The following CXCL12 variants were observed in gnomAD, a reference collection of about 807,000 sequenced individuals.
CXCL12 encodes C-X-C motif chemokine ligand 12, also known as stromal cell-derived factor 1.
In CXCL12, 4 loss-of-function variants were observed where a neutral mutation model predicts 10.7. The ratio of observed to expected loss-of-function variants is 0.37; its 90% CI spans 0.18 to 0.86. The LOEUF (loss-of-function observed/expected upper bound fraction) is 0.86, where lower values mean the gene tolerates loss of function less well. Ranked by LOEUF, CXCL12 falls within the 40% of genes least tolerant of loss-of-function variation. The pLI is 0.43. For synonymous variants in CXCL12, 54 were observed against 45.4 expected (o/e 1.19, Z -0.77); for missense variants, 122 against 110.4 (o/e 1.10, Z -0.47).
chr10:44,371,315 C>T, downstream of CXCL12: 1 of 457,806 alleles, frequency 2.2e-6, no homozygotes, highest in Non-Finnish European at 4.3e-6. Context: ...GTTTCCTCAA[C>T]CAAGAATTCA....
chr10:44,384,110 C>A (rs1839721815), intron 1 of CXCL12, among the ~76,000 whole-genome samples: 1 of 152,236 alleles, frequency 6.6e-6, no homozygotes, highest in Non-Finnish European at 1.5e-5. Context: ...GGAGATTGAA[C>A]TTTGCTGCAG....
exon 4 of CXCL12, chr10:44,370,798 G>A (rs577838323): frequency 6.6e-6 from 1 of 152,434 alleles, no homozygotes; most frequent in African/African-American, 2.4e-5. Flanking sequence ...AACAAGCAGA[G>A]TGCCCTCTGG....
exon 4 of CXCL12, chr10:44,370,582 A>C (rs1430466805): frequency 1.3e-5 from 2 of 152,224 alleles, no homozygotes; most frequent in Non-Finnish European, 2.9e-5. Flanking sequence ...TCCAGCTGGA[A>C]AAGGGTGTAG....
chr10:44,384,900 C>T (rs766943804), intron 1 of CXCL12, 45 bp downstream of exon 1: 2 of 1,510,564 alleles, frequency 1.3e-6, no homozygotes, highest in Non-Finnish European at 1.8e-6. Flanking sequence ...GGGCGGGAGC[C>T]GAAGCCCAGA....
chr10:44,384,498 C>T (rs1235544994), intron 1 of CXCL12, among the ~76,000 whole-genome samples: 2 of 152,224 alleles, frequency 1.3e-5, no homozygotes, highest in Non-Finnish European at 2.9e-5. Context: ...GCAAAGCGCG[C>T]TCTCGCCATG....
intron 2 of CXCL12, among the ~76,000 whole-genome samples, chr10:44,380,074 C>T (rs1166033912): frequency 6.6e-6 from 1 of 152,210 alleles, no homozygotes; most frequent in South Asian, 2.1e-4. Flanking sequence ...CCCTCGCTTC[C>T]CCGTGTTCAG....
intron 2 of CXCL12, chr10:44,380,530 G>C (rs551403073): frequency 3.8e-6 from 2 of 520,634 alleles, no homozygotes; most frequent in Admixed American, 6.4e-5. Context: ...GGAAAGAAGA[G>C]AGAACTACTA....
At chr10:44,372,651 T>C, downstream of CXCL12, 3 of 1,389,204 alleles carry the variant, frequency 2.2e-6, no homozygotes, top group Non-Finnish European at 2.8e-6. Context: ...ATGGAGACAG[T>C]CGTGGACACA....
chr10:44,383,619 G>GT (rs1839704537), intron 1 of CXCL12, among the ~76,000 whole-genome samples: 2 of 132,340 alleles, frequency 1.5e-5, no homozygotes, highest in South Asian at 3.0e-4. Context: ...CGGGGGGGGG[G>GT]GGGGGTCAGT....
chr10:44,374,757 T>A (rs975585807), downstream of CXCL12: 17 of 440,086 alleles, frequency 3.9e-5, no homozygotes, highest in African/African-American at 3.2e-4. Context: ...AACCACTTTC[T>A]CTTTCTGCAT....
intron 2 of CXCL12, among the ~76,000 whole-genome samples, chr10:44,379,985 T>C (rs1164584583): frequency 6.6e-6 from 1 of 152,204 alleles, no homozygotes; most frequent in Non-Finnish European, 1.5e-5. Flanking sequence ...GTAGCTTTGG[T>C]TCCAACTGCT....
rs965265373 is a variant in CXCL12, at chr10:44,378,515, C to T, written c.*118G>A. Reference sequence around the variant, plus strand: ...CCCAGATCAATGTGCCCACCCCACACACACACCTGGTCCTCATGGTTAAGG... The same window carrying T: ...CCCAGATCAATGTGCCCACCCCACATACACACCTGGTCCTCATGGTTAAGG... On this transcript the variant is annotated 3_prime_UTR_variant, in exon 3 of 3. Coordinates refer to ENST00000343575, the MANE Select transcript of CXCL12 (RefSeq NM_199168.4). The T allele has an allele frequency of 6.4e-7, 1 of 1,561,002 alleles. No individual in the cohort carries two copies.
At chr10:44,384,392 G>A (rs1232126661) in intron 1 of CXCL12, among the ~76,000 whole-genome samples, 1 of 152,164 alleles carries the variant, frequency 6.6e-6, no homozygotes, top group Non-Finnish European at 1.5e-5. Flanking sequence ...CAAGAGCCCC[G>A]CGAGGGTGTG....
chr10:44,384,906 C>T, intron 1 of CXCL12, 39 bp downstream of exon 1: 2 of 1,516,678 alleles, frequency 1.3e-6, no homozygotes, highest in Admixed American at 1.9e-5. Context: ...GAGCCGAAGC[C>T]CAGAGCCTCG....
chr10:44,374,878 G>C (rs1889401), downstream of CXCL12: 13,486 of 362,546 alleles, frequency 0.037, 300 homozygotes, highest in East Asian at 0.059. Flanking sequence ...ACTGAAATGG[G>C]GTCCTTGCTC....
chr10:44,384,231 T>G (rs1312714422), intron 1 of CXCL12, among the ~76,000 whole-genome samples: 2 of 152,050 alleles, frequency 1.3e-5, no homozygotes, highest in African/African-American at 2.4e-5. Context: ...TCCCTGGGCC[T>G]CTCTCAGGTG....
chr10:44,375,010 A>C (rs945205506), downstream of CXCL12, among the ~76,000 whole-genome samples: 2 of 152,218 alleles, frequency 1.3e-5, no homozygotes, highest in Non-Finnish European at 2.9e-5. Context: ...CTTTAGGCAG[A>C]TAAGGTATTT....
At chr10:44,380,921 CA>C in intron 1 of CXCL12, 41 bp from the exon 2 acceptor site, 1 of 1,552,976 alleles carries the variant, frequency 6.4e-7, no homozygotes, top group Non-Finnish European at 8.9e-7. Context: ...ACTACCCTGC[CA>C]GATTTTGGTA....
At chr10:44,375,178 C>T (rs530914335), downstream of CXCL12, among the ~76,000 whole-genome samples, 1 of 152,186 alleles carries the variant, frequency 6.6e-6, no homozygotes, top group South Asian at 2.1e-4. Flanking sequence ...TTTAAAGACT[C>T]TAAAGAGAAT....
Sources: gnomAD v4.1 joint callset for allele counts (sites outside exome capture counted in the v4.1 genomes callset) on GRCh38, gnomAD v4.1.1 for gene constraint, MANE v1.5 for transcripts, NCBI Gene and HGNC (gene_info 2026-07-23, HGNC 2026-07-21) for gene names.